The following LRMDA variants were observed in gnomAD, a reference collection of about 807,000 sequenced individuals.
The protein encoded by LRMDA is leucine-rich melanocyte differentiation-associated protein.
LRMDA carries 18 observed loss-of-function variants against 29.8 expected under a neutral mutation model. The observed-to-expected ratio is 0.60, with a 90% CI of 0.42 to 0.90. The LOEUF (loss-of-function observed/expected upper bound fraction) is 0.90. Among genes scored for constraint, LRMDA ranks in the 40% least tolerant of loss-of-function variants. The pLI is 0.00. For synonymous variants in LRMDA, 125 were observed against 109.4 expected, an observed-to-expected ratio of 1.14 and a Z score of -0.89; for missense variants, 273 against 273.9, an observed-to-expected ratio of 1.00 and a Z score of 0.02.
At chr10:75,990,476 T>A (rs968921586) in intron 2 of LRMDA, among the ~76,000 whole-genome samples, 1 of 152,212 alleles carries the variant, frequency 6.6e-6, no homozygotes, top group Non-Finnish European at 1.5e-5. Flanking sequence ...TATGAAAAAG[T>A]ACAGAAATTA....
intron 2 of LRMDA, among the ~76,000 whole-genome samples, chr10:75,711,603 T>G (rs1376568157): frequency 6.6e-6 from 1 of 152,144 alleles, no homozygotes; most frequent in Non-Finnish European, 1.5e-5. Context: ...TTTAAAGAAA[T>G]GTATAGCATT....
chr10:75,855,161 T>C (rs1228535755), intron 2 of LRMDA, among the ~76,000 whole-genome samples: 3 of 152,198 alleles, frequency 2.0e-5, no homozygotes. Context: ...CCACAAGGGT[T>C]GGACTAGTTT....
intron 2 of LRMDA, among the ~76,000 whole-genome samples, chr10:75,695,946 G>T (rs150794203): frequency 2.0e-5 from 3 of 152,028 alleles, no homozygotes; most frequent in African/African-American, 7.2e-5. Flanking sequence ...GGACATATAC[G>T]TTGAAAAGTG....
At chr10:76,233,410 T>C (rs1314768908) in intron 5 of LRMDA, among the ~76,000 whole-genome samples, 2 of 152,196 alleles carry the variant, frequency 1.3e-5, no homozygotes, top group Non-Finnish European at 2.9e-5. Context: ...TGTTTCAGAG[T>C]TGCTGGCTGC....
intron 6 of LRMDA, among the ~76,000 whole-genome samples, chr10:76,548,530 G>T (rs1192679420): frequency 2.0e-5 from 3 of 151,942 alleles, no homozygotes; most frequent in Non-Finnish European, 2.9e-5. Context: ...TTATTTGGGG[G>T]CTGGGGAGGA....
intron 2 of LRMDA, among the ~76,000 whole-genome samples, chr10:75,655,205 C>T (rs559430729): frequency 6.6e-6 from 1 of 152,312 alleles, no homozygotes; most frequent in Admixed American, 6.5e-5. Context: ...TTGTACATTT[C>T]CTATTATAAC....
intron 2 of LRMDA, among the ~76,000 whole-genome samples, chr10:75,797,117 G>T (rs1843666530): frequency 6.6e-6 from 1 of 151,958 alleles, no homozygotes; most frequent in South Asian, 2.1e-4. Context: ...TTTGTAGAAG[G>T]TTTTAAAAAT....
intron 2 of LRMDA, among the ~76,000 whole-genome samples, chr10:75,493,290 T>C (rs934973551): frequency 1.3e-5 from 2 of 151,964 alleles, no homozygotes; most frequent in Admixed American, 1.3e-4. Context: ...GCGGAATTCT[T>C]ACAAGTTTTG....
chr10:76,458,065 CATTTTT>C (rs1842475135), intron 6 of LRMDA, among the ~76,000 whole-genome samples: 1 of 147,558 alleles, frequency 6.8e-6, no homozygotes, highest in Non-Finnish European at 1.5e-5. Flanking sequence ...AGAAATGCAT[CATTTTT>C]TAGGCCATTT....
intron 2 of LRMDA, among the ~76,000 whole-genome samples, chr10:75,972,006 CAA>C (rs957418279): frequency 2.0e-5 from 3 of 152,038 alleles, no homozygotes; most frequent in African/African-American, 7.2e-5. Context: ...AAGAAAGAAA[CAA>C]GACATTTAAA....
chr10:75,575,169 A>G (rs562559209), intron 2 of LRMDA, among the ~76,000 whole-genome samples: 1 of 152,314 alleles, frequency 6.6e-6, no homozygotes, highest in Admixed American at 6.5e-5. Context: ...CTATGATCCA[A>G]GGACTTCCTA....
intron 2 of LRMDA, among the ~76,000 whole-genome samples, chr10:75,562,962 AT>A (rs1202114271): frequency 2.6e-5 from 4 of 151,734 alleles, no homozygotes; most frequent in Non-Finnish European, 4.4e-5. Context: ...TGCCCTTAAC[AT>A]TTTTTCCTTC....
At chr10:76,156,264 G>T (rs1419826254) in intron 5 of LRMDA, among the ~76,000 whole-genome samples, 1 of 152,130 alleles carries the variant, frequency 6.6e-6, no homozygotes, top group African/African-American at 2.4e-5. Flanking sequence ...AAACCCTGGA[G>T]GACTTCTCTT....
At chr10:76,462,634 TG>T (rs1425634066) in intron 6 of LRMDA, among the ~76,000 whole-genome samples, 1 of 152,156 alleles carries the variant, frequency 6.6e-6, no homozygotes, top group Non-Finnish European at 1.5e-5. Context: ...GCACCATCTT[TG>T]CCTGTGCTGA....
rs533888320 is a variant in LRMDA, at chr10:76,212,269, A to AC, written c.517-112132_517-112131insC. On this transcript the variant is annotated intron_variant, in intron 5 of 6. Coordinates refer to ENST00000611255, the MANE Select transcript of LRMDA (RefSeq NM_001305581.2). ...CACACACACACACACACACACACAT[A>AC]AAAAAAAAAAACTATAGAGAAATAT... Among the ~76,000 whole-genome samples, 1,293 of 135,270 alleles carry AC rather than the reference A, an allele frequency of 9.6e-3. 28 individuals carry two copies. The highest frequency in any genetic ancestry group is 0.038 in the African/African-American group (1,223 of 31,890). The allele number at this position is 135,270 out of a possible 152,430, so 88.7% of individuals were successfully genotyped here. A position where few individuals can be genotyped will look rare whatever the true frequency, so the allele number is the denominator to read the frequency against.
intron 6 of LRMDA, among the ~76,000 whole-genome samples, chr10:76,423,974 G>C (rs892299465): frequency 2.0e-5 from 3 of 152,120 alleles, no homozygotes; most frequent in African/African-American, 7.2e-5. Context: ...GATTCCTAGA[G>C]GGCCAGAGGG....
chr10:76,033,569 A>C (rs1848187934), intron 2 of LRMDA, among the ~76,000 whole-genome samples: 2 of 152,024 alleles, frequency 1.3e-5, no homozygotes, highest in African/African-American at 4.8e-5. Context: ...CTTGGAAAGG[A>C]GCTTTCTTCT....
At chr10:76,220,778 A>G (rs1851817009) in intron 5 of LRMDA, among the ~76,000 whole-genome samples, 1 of 152,232 alleles carries the variant, frequency 6.6e-6, no homozygotes, top group Admixed American at 6.5e-5. Flanking sequence ...TTATGAGGCC[A>G]GCATCATCCT....
chr10:75,743,719 T>G (rs1307892485), intron 2 of LRMDA: 10 of 152,150 alleles, frequency 6.6e-5, no homozygotes, highest in Admixed American at 6.5e-4. Context: ...GAAAAGGAAA[T>G]GGGTTCATGT....
Sources: allele counts gnomAD v4.1 joint callset (sites outside exome capture counted in the v4.1 genomes callset), GRCh38; gene constraint gnomAD v4.1.1; transcripts MANE v1.5; gene names NCBI Gene and HGNC (gene_info 2026-07-23, HGNC 2026-07-21).